Variants in HMCN2 observed in about 807,000 individuals in gnomAD.
HMCN2 encodes the protein hemicentin-2.
Under a neutral mutation model 377.5 loss-of-function variants are expected in HMCN2, and 325 were observed. The ratio of observed to expected loss-of-function variants is 0.86; its 90% CI spans 0.79 to 0.94. The LOEUF is 0.94. Among genes scored for constraint, HMCN2 ranks in the 40% least tolerant of loss-of-function variants. HMCN2 has a pLI of 0.00. For missense variants in HMCN2, 4,543 were observed against 4,725.3 expected (o/e 0.96, Z 1.13); for synonymous variants, 2,007 against 2,046.8 (o/e 0.98, Z 0.53).
chr9:130,317,875 C>A (rs950105663), intron 15 of HMCN2, among the ~76,000 whole-genome samples: 1 of 151,948 alleles, frequency 6.6e-6, no homozygotes, highest in African/African-American at 2.4e-5. Flanking sequence ...GAATTGAAAG[C>A]GGTCTGGGAG....
chr9:130,369,001 G>A lies in HMCN2; in HGVS notation c.6787+564G>A, dbSNP rs1840862985. On this transcript the variant is annotated intron_variant, in intron 44 of 97. Coordinates refer to ENST00000683500, the MANE Select transcript of HMCN2 (RefSeq NM_001291815.2). This position sits in a 1 kb window ranked among gnomAD's most constrained non-coding sequence, Gnocchi z 4.5. ...AGCTTCTCACTAACCCAAGCATTGG[G>A]GGTGGGGGCAGCAGCACAGTCCCTA... is the stretch of plus-strand genomic sequence containing the variant. 6.6e-6 allele frequency among the ~76,000 whole-genome samples: 1 copy of A among 152,154 alleles called. No homozygotes were observed. Among genetic ancestry groups the A allele is most frequent in the African/African-American group, 2.4e-5 (1 of 41,434 alleles).
At position 130,405,059 on chromosome 9, in the gene HMCN2, G is replaced by C; in HGVS notation, c.12339G>C (p.Glu4113Asp). 7.8e-7 allele frequency: 1 copy of C among 1,283,666 alleles called. No individual in the cohort carries two copies. The highest frequency in any genetic ancestry group is 2.3e-5 in the Admixed American group (1 of 43,146). The allele number at this position is 1,283,666 out of a possible 1,614,324, so 79.5% of individuals were successfully genotyped here. ...PSGELLVKNL[E>D]GQDAGTYTCT... is the part of the protein sequence containing the mutation. ...GGGAGTTGCTGGTGAAGAACTTGGA[G>C]GTGAGGCACTGCCCCAAGGGGCACA... The change falls in exon 81 of 98, where the codon GAG becomes GAC. Residue 4113 changes from glutamate (E) to aspartate (D), a missense_variant and splice_region_variant. By Grantham distance (45) the Glu-to-Asp change is conservative. Around this residue, in one of 5 missense-constraint regions of HMCN2, gnomAD observed 1,073 missense variants for 1,319.5 expected, o/e 0.81. Coordinates refer to ENST00000683500, the MANE Select transcript of HMCN2 (RefSeq NM_001291815.2).
chr9:130,402,846 C>A lies in HMCN2; in HGVS notation c.11828C>A (p.Ala3943Asp). The change falls in exon 78 of 98, where the codon GCC becomes GAC. Residue 3943 changes from alanine (A) to aspartate (D), a missense_variant. Physicochemically the swap from Ala to Asp is moderately radical, Grantham distance 126 (BLOSUM62 -2). Transcript: ENST00000683500. ...PIHAGRYTCS[A>D]RNSAGVAHKH... is the part of the protein sequence containing the mutation. ...CACGCAGGCCGCTACACCTGCTCAGCCCGCAACTCTGCCGGCGTAGCCCAC... is the reference window on the plus strand; with the variant it reads ...CACGCAGGCCGCTACACCTGCTCAGACCGCAACTCTGCCGGCGTAGCCCAC... 8.5e-6 allele frequency: 11 copies of A among 1,289,822 alleles called. No homozygotes were observed. The highest frequency in any genetic ancestry group is 1.1e-5 in the Non-Finnish European group (11 of 988,876). 79.9% of individuals were successfully genotyped at this position (1,289,822 alleles called of 1,614,324 possible). A position where few individuals can be genotyped will look rare whatever the true frequency, so the allele number is the denominator to read the frequency against.
In HMCN2 at chr9:130,347,767, G is replaced by A. The variant is rs1300066851; in HGVS notation, c.4024+407G>A. Among the ~76,000 whole-genome samples the A allele has an allele frequency of 1.3e-5, 2 of 152,186 alleles. No individual in the cohort carries two copies. Among genetic ancestry groups the A allele is most frequent in the African/African-American group, 4.8e-5 (2 of 41,434 alleles). ...ATGGTGGCTTGCACCTGTAATCCTA[G>A]CACTTTGGGAGGCTGAGGCAGGAGA... On this transcript the variant is annotated intron_variant, in intron 26 of 97. Coordinates refer to ENST00000683500, the MANE Select transcript of HMCN2 (RefSeq NM_001291815.2). The surrounding 1 kb of genome is among the most constrained non-coding windows in gnomAD (Gnocchi z 5.1).
At chr9:130,331,240 C>T (rs1316180371) in intron 22 of HMCN2, among the ~76,000 whole-genome samples, 1 of 151,946 alleles carries the variant, frequency 6.6e-6, no homozygotes, top group African/African-American at 2.4e-5. Flanking sequence ...TGGGGCACGG[C>T]CATGTTGCCA....
At position 130,396,292 on chromosome 9, in the gene HMCN2, C is replaced by T. The variant is rs1460838937; in HGVS notation, c.11177C>T (p.Pro3726Leu). 1.6e-6 allele frequency: 2 copies of T among 1,274,884 alleles called. No homozygotes were observed. The highest frequency in any genetic ancestry group is 2.3e-5 in the Admixed American group (1 of 43,294). 79.0% of individuals were successfully genotyped at this position (1,274,884 alleles called of 1,614,324 possible). ...GTGAGCTGGCGGAAGGACAGGGTCC[C>T]CCTGGATCCCAGGAGCCCCAGGTGG... The part of the protein sequence containing the change: ...PLVSWRKDRV[P>L]LDPRSPRFEI... Residue 3726 changes from proline to leucine, a missense_variant, in exon 73 of 98, where the codon CCC (proline) becomes CTC (leucine). Pro to Leu is a moderately conservative substitution (Grantham distance 98). Transcript: ENST00000683500.
chr9:130,404,821 G>A (rs1037358061), intron 80 of HMCN2, 48 bp from the exon 81 acceptor site: 45 of 1,174,454 alleles, frequency 3.8e-5, no homozygotes, highest in Admixed American at 9.7e-5. Flanking sequence ...GATGGTGTCA[G>A]CCGCCTCCCT....
In HMCN2 at chr9:130,351,486, C is replaced by T. The variant is rs748545678; in HGVS notation, c.4494C>T (p.Thr1498=). ...AGGATGGCCAGGTTCTCAGGATCAC[C>T]GGCAGTCACGTGGGGGATGAGGGAC... ...VQEDGQVLRI[T]GSHVGDEGRY... Residue 1498 remains threonine, a synonymous_variant, in exon 30 of 98, where the codon ACC becomes ACT. Transcript: ENST00000683500. The surrounding 1 kb of genome is among the most constrained non-coding windows in gnomAD (Gnocchi z 5.4). 1.1e-4 allele frequency: 138 copies of T among 1,304,264 alleles called. No homozygotes were observed. The East Asian group carries it at 1.3e-3, about 12-fold the overall frequency. 80.8% of individuals were successfully genotyped at this position (1,304,264 alleles called of 1,614,324 possible). A position where few individuals can be genotyped will look rare whatever the true frequency, so the allele number is the denominator to read the frequency against.
chr9:130,396,054 T>C lies in HMCN2; in HGVS notation c.11042T>C (p.Val3681Ala). 7.8e-7 allele frequency: 1 copy of C among 1,284,144 alleles called. No homozygotes were observed. Among genetic ancestry groups the C allele is most frequent in the Non-Finnish European group, 1.0e-6 (1 of 986,702 alleles). The allele number at this position is 1,284,144 out of a possible 1,614,324, so 79.5% of individuals were successfully genotyped here. A position where few individuals can be genotyped will look rare whatever the true frequency, so the allele number is the denominator to read the frequency against. Residue 3681 changes from valine (V) to alanine (A), a missense_variant, in exon 72 of 98, where the codon GTG (valine) becomes GCG (alanine). This residue lies in a region of HMCN2 where 1,073 missense variants were observed against 1,319.5 expected (regional missense o/e 0.81). Coordinates refer to ENST00000683500, the MANE Select transcript of HMCN2 (RefSeq NM_001291815.2). ...GGCAGCACTAGTGTCGCCTTCCGCG[T>C]GGAGATCCACAGTGAGTAGGGCCCG... ...AAGSTSVAFRVEIHTVPTIRS... is the reference protein window; with the variant it reads ...AAGSTSVAFRAEIHTVPTIRS...
At chr9:130,331,793 A>G (rs1042487868) in intron 22 of HMCN2, among the ~76,000 whole-genome samples, 79 of 152,072 alleles carry the variant, frequency 5.2e-4, no homozygotes, top group African/African-American at 1.8e-3. Flanking sequence ...GGCTGTGAGC[A>G]CTCCTGGCTC....
At chr9:130,314,505 C>A (rs1037711262) in intron 15 of HMCN2, among the ~76,000 whole-genome samples, 2,724 of 152,358 alleles carry the variant, frequency 0.018, 77 homozygotes, top group African/African-American at 0.062. Context: ...GTAAAGGCAT[C>A]TTGTGGCCCT....
In HMCN2 at chr9:130,299,278, G is replaced by A. The variant is rs1554933384; in HGVS notation, c.1266G>A (p.Gly422=). 2 of 455,210 alleles carry A rather than the reference G, an allele frequency of 4.4e-6. No individual in the cohort carries two copies. The highest frequency in any genetic ancestry group is 9.3e-6 in the Non-Finnish European group (2 of 216,194). The allele number at this position is 455,210 out of a possible 1,614,324, so 28.2% of individuals were successfully genotyped here. A position where few individuals can be genotyped will look rare whatever the true frequency, so the allele number is the denominator to read the frequency against. The part of the protein sequence containing the change: ...LLRVSGVSYS[G]VAPGAPLVSM... ...GTGTCTCTGGAGTGTCCTACAGTGG[G>A]GTGGCCCCAGGTGAGTGGTTGGCTC... Residue 422 remains glycine, a synonymous_variant, in exon 8 of 98, where the codon GGG becomes GGA. Transcript: ENST00000683500.
At chr9:130,278,117 TTTGGTTGG>T (rs1400805868) in intron 1 of HMCN2, among the ~76,000 whole-genome samples, 2 of 151,320 alleles carry the variant, frequency 1.3e-5, no homozygotes, top group African/African-American at 2.5e-5. Flanking sequence ...TTTTTGTTTG[TTTGGTTGG>T]TTGGTTGGTT....
At chr9:130,377,187 C>T (rs1841433170) in intron 52 of HMCN2, among the ~76,000 whole-genome samples, 1 of 151,964 alleles carries the variant, frequency 6.6e-6, no homozygotes, top group South Asian at 2.1e-4. Flanking sequence ...GATCTTGGCT[C>T]ACTGCAGCCT....
chr9:130,310,970 A>C (rs1207193010), intron 15 of HMCN2, among the ~76,000 whole-genome samples: 1 of 152,054 alleles, frequency 6.6e-6, no homozygotes, highest in Non-Finnish European at 1.5e-5. Flanking sequence ...ATGCGGGGAG[A>C]GGGGTGATCA....
Position 130,410,632 on chromosome 9 carries a change from T to A in HMCN2, c.12941T>A (p.Val4314Glu), listed in dbSNP as rs1281795026. Residue 4314 changes from valine (V) to glutamate (E), a missense_variant, in exon 85 of 98, where the codon GTG becomes GAG. Transcript: ENST00000683500. ...AENEMGVAKK[V>E]VILVLQSAPV... ...AATGAGATGGGCGTGGCGAAGAAAG[T>A]GGTGATCCTCGTCCTGCAGAGTGAG... 1 of 1,550,504 alleles carries A rather than the reference T, an allele frequency of 6.4e-7. No homozygotes were observed. The highest frequency in any genetic ancestry group is 2.4e-5 in the East Asian group (1 of 40,920).
intron 94 of HMCN2, chr9:130,430,067 G>C (rs1447264327): frequency 4.9e-6 from 3 of 610,682 alleles, no homozygotes; most frequent in East Asian, 5.5e-5. Context: ...ACGAGGCTGA[G>C]AGCTGGGGAG....
rs570620631 is a variant in HMCN2 at position 130,425,139 on chromosome 9, T to C, written c.13641+9T>C. 2.6e-4 allele frequency: 398 copies of C among 1,543,760 alleles called. No individual in the cohort carries two copies. In the African/African-American group the frequency reaches 4.4e-3, roughly 17 times the overall value. ...CAGATCTTCAAGTGCAGGTCGGGGG[T>C]CAAGCCCTGGGGTGTGCAGACAGGG... On this transcript the variant is annotated intron_variant, in intron 89 of 97. Coordinates refer to ENST00000683500, the MANE Select transcript of HMCN2 (RefSeq NM_001291815.2).
chr9:130,284,142 T>C (rs1456508541), intron 1 of HMCN2, among the ~76,000 whole-genome samples: 1 of 152,226 alleles, frequency 6.6e-6, no homozygotes, highest in African/African-American at 2.4e-5. Flanking sequence ...AGATGGGGTT[T>C]CTGGAAGGTT....
Sources: gnomAD v4.1 joint callset for allele counts (sites outside exome capture counted in the v4.1 genomes callset) on GRCh38, gnomAD v4.1.1 for gene constraint, gnomAD v4.1.1 regional missense constraint, Gnocchi (gnomAD v3.1) non-coding constraint, MANE v1.5 for transcripts, NCBI Gene and HGNC (gene_info 2026-07-23, HGNC 2026-07-21) for gene names.